The following KAZN variants were observed in gnomAD, a reference collection of about 807,000 sequenced individuals.
The protein encoded by KAZN is kazrin.
In KAZN, 40 loss-of-function variants were observed where a neutral mutation model predicts 87.4. The ratio of observed to expected loss-of-function variants is 0.46; its 90% CI spans 0.36 to 0.60. The LOEUF (loss-of-function observed/expected upper bound fraction) is 0.60. Ranked by LOEUF, KAZN falls within the 20% of genes least tolerant of loss-of-function variation. KAZN has a pLI of 0.00. For synonymous variants in KAZN, 466 were observed against 458.3 expected (o/e 1.02, Z -0.22); for missense variants, 898 against 1,073.9 (o/e 0.84, Z 2.29).
At chr1:13,933,384 CG>C (rs1640602792) in intron 1 of KAZN, among the ~76,000 whole-genome samples, 1 of 152,010 alleles carries the variant, frequency 6.6e-6, no homozygotes, top group Non-Finnish European at 1.5e-5. Flanking sequence ...CCCAGCTACT[CG>C]GGAGGCTGAC....
intron 2 of KAZN, among the ~76,000 whole-genome samples, chr1:14,328,120 A>G (rs574435178): frequency 7.9e-5 from 12 of 152,286 alleles, no homozygotes; most frequent in African/African-American, 2.9e-4. Context: ...TTCCTCCCCA[A>G]TGGAGTAATA....
intron 1 of KAZN, among the ~76,000 whole-genome samples, chr1:14,886,394 G>A (rs556592672): frequency 6.6e-6 from 1 of 152,098 alleles, no homozygotes; most frequent in Admixed American, 6.5e-5. Context: ...CTGTACTCCA[G>A]CCTGGATGAA....
chr1:15,067,562 T>C, intron 8 of KAZN: 1 of 985,496 alleles, frequency 1.0e-6, no homozygotes, highest in South Asian at 4.7e-5. Context: ...GTAGTCGTGC[T>C]TTCTGCTAAC....
At chr1:14,613,385 C>T (rs1312464874) in intron 1 of KAZN, among the ~76,000 whole-genome samples, 7 of 152,154 alleles carry the variant, frequency 4.6e-5, no homozygotes, top group African/African-American at 1.7e-4. Context: ...AGCCAGGGGC[C>T]AGTTTTCAAT....
intron 2 of KAZN, among the ~76,000 whole-genome samples, chr1:14,386,840 C>CCTGAAT (rs1337053583): frequency 6.6e-6 from 1 of 152,036 alleles, no homozygotes; most frequent in Non-Finnish European, 1.5e-5. Context: ...CTCTGTATTT[C>CCTGAAT]CTGAATCTGA....
intron 1 of KAZN, among the ~76,000 whole-genome samples, chr1:14,118,425 A>G (rs1644677526): frequency 6.6e-6 from 1 of 152,152 alleles, no homozygotes; most frequent in South Asian, 2.1e-4. Context: ...AGGTGGTTTG[A>G]AGACCTGGAT....
At chr1:14,342,977 C>T (rs560095972) in intron 2 of KAZN, among the ~76,000 whole-genome samples, 2 of 152,208 alleles carry the variant, frequency 1.3e-5, no homozygotes, top group South Asian at 4.2e-4. Context: ...CCCATCTCTA[C>T]TAAAAATATA....
chr1:14,638,178 C>A (rs958491557), intron 1 of KAZN, among the ~76,000 whole-genome samples: 1 of 152,208 alleles, frequency 6.6e-6, no homozygotes, highest in African/African-American at 2.4e-5. Context: ...TCTGCAAAGA[C>A]CCTGTTTCCA....
In KAZN at chr1:14,587,637, G is replaced by A. The variant is rs145453587; in HGVS notation, c.250-11346G>A. 1.1e-4 allele frequency among the ~76,000 whole-genome samples: 16 copies of A among 151,830 alleles called. No individual in the cohort carries two copies. In the East Asian group the frequency reaches 2.7e-3, roughly 26 times the overall value. On this transcript the variant is annotated intron_variant, in intron 2 of 16. Transcript: ENST00000636203. ...TGAGGAAGAGAGAAAGGGAGGAGGT[G>A]CCGTACTCCCGGAAACAACCAGATC...
intron 1 of KAZN, among the ~76,000 whole-genome samples, chr1:14,719,455 G>A (rs1011255589): frequency 6.6e-6 from 1 of 152,186 alleles, no homozygotes; most frequent in African/African-American, 2.4e-5. Flanking sequence ...CCAGTGCTAT[G>A]GAGAAACAGG....
intron 1 of KAZN, among the ~76,000 whole-genome samples, chr1:14,628,949 C>T (rs1451266729): frequency 6.6e-6 from 1 of 151,136 alleles, no homozygotes; most frequent in East Asian, 1.9e-4. Context: ...CGGGTTCAAG[C>T]AATTCACCTG....
At chr1:13,941,502 A>G (rs2100969592) in intron 1 of KAZN, among the ~76,000 whole-genome samples, 1 of 152,266 alleles carries the variant, frequency 6.6e-6, no homozygotes, top group East Asian at 1.9e-4. Flanking sequence ...AACCTTGGCA[A>G]GTCAAGTCAG....
At chr1:14,387,107 G>A (rs1428128605) in intron 2 of KAZN, among the ~76,000 whole-genome samples, 1 of 152,126 alleles carries the variant, frequency 6.6e-6, no homozygotes, top group African/African-American at 2.4e-5. Context: ...GATCGCATCA[G>A]CTCCTGAGGC....
chr1:13,942,180 C>T (rs1430920755), intron 1 of KAZN, among the ~76,000 whole-genome samples: 1 of 152,134 alleles, frequency 6.6e-6, no homozygotes, highest in Non-Finnish European at 1.5e-5. Context: ...CCTCAATTCT[C>T]AACCGGATTG....
At chr1:14,064,340 T>C (rs970026534) in intron 1 of KAZN, among the ~76,000 whole-genome samples, 2 of 152,008 alleles carry the variant, frequency 1.3e-5, no homozygotes, top group South Asian at 2.1e-4. Flanking sequence ...TACATTTTGA[T>C]TGGAAAACTG....
At chr1:14,786,897 ATGTGGTGAAATGACCCAT>A (rs1645525342) in intron 1 of KAZN, among the ~76,000 whole-genome samples, 1 of 152,222 alleles carries the variant, frequency 6.6e-6, no homozygotes, top group Non-Finnish European at 1.5e-5. Flanking sequence ...ATTAGAAGAA[ATGTGGTGAAATGACCCAT>A]TTCTGAGCCA....
intron 1 of KAZN, among the ~76,000 whole-genome samples, chr1:14,910,816 A>G (rs1657167366): frequency 6.6e-6 from 1 of 152,236 alleles, no homozygotes; most frequent in African/African-American, 2.4e-5. Flanking sequence ...AAGGCTTTCA[A>G]GAAAAGTCAG....
At chr1:14,137,701 CTTTTTTT>C (rs35819477) in intron 1 of KAZN, among the ~76,000 whole-genome samples, 1 of 65,062 alleles carries the variant, frequency 1.5e-5, no homozygotes, top group African/African-American at 6.8e-5. Flanking sequence ...AAATATAAGG[CTTTTTTT>C]TTTTTTTTTT....
chr1:14,553,371 T>C (rs1673663856), intron 2 of KAZN, among the ~76,000 whole-genome samples: 1 of 152,082 alleles, frequency 6.6e-6, no homozygotes, highest in Non-Finnish European at 1.5e-5. Flanking sequence ...AAAACACATA[T>C]ATAGATTTTG....
Sources: allele counts gnomAD v4.1 joint callset (sites outside exome capture counted in the v4.1 genomes callset), GRCh38; gene constraint gnomAD v4.1.1; transcripts MANE v1.5; gene names NCBI Gene and HGNC (gene_info 2026-07-23, HGNC 2026-07-21).